SURF6: variants seen among roughly 807,000 people sequenced by gnomAD.
SURF6 encodes the protein surfeit 6.
A neutral mutation model predicts 37.5 loss-of-function variants in SURF6; 28 were observed. That is an observed-to-expected ratio of 0.75 (90% CI 0.55 to 1.02). The LOEUF is 1.02. SURF6 is among the 50% of genes least tolerant of loss of function. The pLI is 0.00. For missense variants in SURF6, 560 were observed against 490.5 expected, an observed-to-expected ratio of 1.14 and a Z score of -1.34; for synonymous variants, 248 against 210.9, an observed-to-expected ratio of 1.18 and a Z score of -1.52.
rs989242041 is a variant in SURF6 at position 133,334,435 on chromosome 9, T to C, written c.261A>G (p.Lys87=). 1.2e-5 allele frequency: 19 copies of C among 1,613,966 alleles called. No homozygotes were observed. The highest frequency in any genetic ancestry group is 1.6e-5 in the Non-Finnish European group (19 of 1,180,026). The change falls in exon 2 of 5, where the codon AAA becomes AAG. Residue 87 remains lysine, a synonymous_variant. Coordinates refer to ENST00000372022, the MANE Select transcript of SURF6 (RefSeq NM_006753.6). ...AGCTGGAAGCCCAAGCTGCTTCCTC[T>C]TTGGCTGCCTCAGGCCTCCTGGCCC... The part of the protein sequence containing the change: ...ASGARRPEAA[K]EEAAWASSSA...
rs1141749 is a variant in SURF6, at chr9:133,328,964, G to A, written c.*2905C>T. 2,066 of 154,556 alleles carry A rather than the reference G, an allele frequency of 0.013. 36 individuals are homozygous for A. Among genetic ancestry groups the A allele is most frequent in the African/African-American group, 0.042 (1,764 of 41,552 alleles). The allele number at this position is 154,556 out of a possible 1,614,324, so 9.6% of individuals were successfully genotyped here. ...CGGGAGACCACTACTACCAATGCTC[G>A]GAGACCGGTAGTGGCCCCGAATGTC... On this transcript the variant is annotated 3_prime_UTR_variant, in exon 5 of 5. Transcript: ENST00000372022.
chr9:133,332,390 T>G, intron 4 of SURF6, 42 bp from the exon 5 acceptor site: 1 of 1,544,338 alleles, frequency 6.5e-7, no homozygotes, highest in Non-Finnish European at 8.7e-7. Context: ...AGCCCTGCAC[T>G]AGGCCCCAGC....
intron 2 of SURF6, 66 bp from the exon 3 acceptor site, chr9:133,333,872 C>T (rs1238125291): frequency 7.3e-6 from 10 of 1,364,208 alleles, no homozygotes; most frequent in Middle Eastern, 1.8e-4. Flanking sequence ...CCTAGGGCCA[C>T]GAATCCCTGT....
Position 133,332,643 on chromosome 9 carries a change from C to A in SURF6, c.511G>T (p.Ala171Ser). 1 of 1,611,680 alleles carries A rather than the reference C, an allele frequency of 6.2e-7. No individual in the cohort carries two copies. The change falls in exon 4 of 5, where the codon GCT (alanine) becomes TCT (serine). Residue 171 changes from alanine to serine, a missense_variant. Transcript: ENST00000372022. ...TCCTGGGCCTCCGTGGCCTCCTCAG[C>A]CTTCCTGGCCTTCTCTTTCGCCCGC... ...ELRAKEKARK[A>S]EEATEAQEVV...
rs928655828 is a variant in SURF6 at position 133,330,374 on chromosome 9, C to T, written c.*1495G>A. On this transcript the variant is annotated 3_prime_UTR_variant, in exon 5 of 5. Coordinates refer to ENST00000372022, the MANE Select transcript of SURF6 (RefSeq NM_006753.6). ...GCCTCAGCCTCCCAAGCAGCTGGGA[C>T]TACAGGTTTGCACCACCACACCCAG... 2.0e-5 allele frequency: 3 copies of T among 152,078 alleles called. No individual in the cohort carries two copies. The highest frequency in any genetic ancestry group is 2.0e-4 in the Admixed American group (3 of 15,268). The allele number at this position is 152,078 out of a possible 1,614,324, so 9.4% of individuals were successfully genotyped here.
intron 1 of SURF6, among the ~76,000 whole-genome samples, chr9:133,335,249 C>G (rs959346510): frequency 6.6e-6 from 1 of 151,314 alleles, no homozygotes; most frequent in African/African-American, 2.4e-5. Flanking sequence ...TGAGGCCGCA[C>G]GGCCGGACAA....
chr9:133,333,879 C>T (rs1042907605), intron 2 of SURF6, 73 bp from the exon 3 acceptor site: 21 of 1,272,572 alleles, frequency 1.7e-5, no homozygotes, highest in Non-Finnish European at 2.4e-5. Flanking sequence ...CCACGAATCC[C>T]TGTCCCACTG....
rs1835732368 is a variant in SURF6 at position 133,331,752 on chromosome 9, C to T, written c.*117G>A. 3.7e-6 allele frequency: 5 copies of T among 1,334,966 alleles called. No individual in the cohort carries two copies. The highest frequency in any genetic ancestry group is 3.9e-6 in the Non-Finnish European group (4 of 1,024,084). The allele number at this position is 1,334,966 out of a possible 1,614,324, so 82.7% of individuals were successfully genotyped here. On this transcript the variant is annotated 3_prime_UTR_variant, in exon 5 of 5. Transcript: ENST00000372022. The stretch of plus-strand genomic sequence containing the variant: ...AACTCAGCAGAGCACCACTGTGTCC[C>T]CCTCACATGGAGAGGCCGAGGTCTG...
chr9:133,334,483 C>T lies in SURF6; in HGVS notation c.213G>A (p.Gly71=), dbSNP rs2129927645. The change falls in exon 2 of 5, where the codon GGG becomes GGA. Residue 71 remains glycine, a synonymous_variant. Coordinates refer to ENST00000372022, the MANE Select transcript of SURF6 (RefSeq NM_006753.6). ...KAAEHKAKSL[G]EKSPAASGAR... is the part of the protein sequence containing the mutation. ...CCCCAGAGGCTGCTGGAGATTTCTC[C>T]CCCAAGGACTTGGCCTTGTGCTCAG... is the stretch of plus-strand genomic sequence containing the variant. 1.9e-6 allele frequency: 3 copies of T among 1,614,010 alleles called. No individual in the cohort carries two copies. The East Asian group carries it at 6.7e-5, about 36-fold the overall frequency.
intron 1 of SURF6, among the ~76,000 whole-genome samples, chr9:133,335,806 A>G (rs1297781359): frequency 1.3e-5 from 2 of 151,834 alleles, no homozygotes; most frequent in African/African-American, 2.4e-5. Flanking sequence ...AACCCGGGAG[A>G]CGGAGCTTGC....
At chr9:133,335,831 G>A (rs1835860441) in intron 1 of SURF6, among the ~76,000 whole-genome samples, 1 of 151,998 alleles carries the variant, frequency 6.6e-6, no homozygotes, top group Non-Finnish European at 1.5e-5. Flanking sequence ...AGCCGAGATC[G>A]CGTCGCTGCA....
Position 133,332,090 on chromosome 9 carries a change from G to T in SURF6, c.865C>A (p.Leu289Met). ...TCCTTGCGCTTCAGGGCCTCCTGCA[G>T]CAGGCGTTCGTCGTCACGGATCTTC... The part of the protein sequence containing the change: ...GVKIRDDERL[L>M]QEALKRKEKR... The change falls in exon 5 of 5, where the codon CTG becomes ATG. Residue 289 changes from leucine (L) to methionine (M), a missense_variant. Coordinates refer to ENST00000372022, the MANE Select transcript of SURF6 (RefSeq NM_006753.6). The T allele has an allele frequency of 6.2e-7, 1 of 1,608,688 alleles. No individual in the cohort carries two copies.
Position 133,332,019 on chromosome 9 carries a change from GGCCGTGCGCTTCTCCCACCGGCGCT to G in SURF6, c.911_935del (p.Gln304ProfsTer70). The G allele has an allele frequency of 6.2e-7, 1 of 1,600,870 alleles. No individual in the cohort carries two copies. The highest frequency in any genetic ancestry group is 8.5e-7 in the Non-Finnish European group (1 of 1,179,206). ...GCTGCTGCATCTTCTCCACCACGCCGGCCGTGCGCTTCTCCCACCGGCGCTGCCGCTGCGCCCTGCGCTTCTCCTT... is the reference window on the plus strand; with the variant it reads ...GCTGCTGCATCTTCTCCACCACGCCGGCCGCTGCGCCCTGCGCTTCTCCTT... On this transcript the variant is annotated frameshift_variant, in exon 5 of 5. Coordinates refer to ENST00000372022, the MANE Select transcript of SURF6 (RefSeq NM_006753.6). LOFTEE classifies it high-confidence loss of function.
intron 3 of SURF6, 117 bp downstream of exon 3, chr9:133,333,601 G>T: frequency 1.1e-6 from 1 of 890,836 alleles, no homozygotes; most frequent in Non-Finnish European, 1.8e-6. Context: ...ACCTGCTGGG[G>T]CCCTGCCAGA....
In SURF6 at chr9:133,336,045, T is replaced by G; in HGVS notation, c.88A>C (p.Thr30Pro). 6.2e-7 allele frequency: 1 copy of G among 1,611,302 alleles called. No homozygotes were observed. The highest frequency in any genetic ancestry group is 8.5e-7 in the Non-Finnish European group (1 of 1,179,770). ...GCCCGGCCCTGTGCGTTACCCCGCG[T>G]GCGCGCCTGCTGTTCCGGGGCCGAA... ...SHSAPEQQAR[T>P]RAGKTQGSET... Residue 30 changes from threonine (T) to proline (P), a missense_variant, in exon 1 of 5, where the codon ACG (threonine) becomes CCG (proline). By Grantham distance (38) the Thr-to-Pro change is conservative. Coordinates refer to ENST00000372022, the MANE Select transcript of SURF6 (RefSeq NM_006753.6).
At position 133,332,132 on chromosome 9, in the gene SURF6, AGAG is replaced by A; in HGVS notation, c.820_822del (p.Leu274del). On this transcript the variant is annotated inframe_deletion, in exon 5 of 5. Coordinates refer to ENST00000372022, the MANE Select transcript of SURF6 (RefSeq NM_006753.6). ...CGGATCTTCACGCCCTCCGCCTTGTAGAGGAGGTTGGTCCACTTCATCTTCGCC... is the reference window on the plus strand; with the variant it reads ...CGGATCTTCACGCCCTCCGCCTTGTAGAGGTTGGTCCACTTCATCTTCGCC... 2 of 1,610,684 alleles carry A rather than the reference AGAG, an allele frequency of 1.2e-6. No individual in the cohort carries two copies. Among genetic ancestry groups the A allele is most frequent in the Non-Finnish European group, 1.7e-6 (2 of 1,179,910 alleles).
In SURF6 at chr9:133,330,708, A is replaced by G. The variant is rs1282278880; in HGVS notation, c.*1161T>C. Reference sequence around the variant, plus strand: ...AGAGCAAGACTCTATCTAAAAAACAAAAAAAAATAGCTCAAATTTTTTTTA... The same window carrying G: ...AGAGCAAGACTCTATCTAAAAAACAGAAAAAAATAGCTCAAATTTTTTTTA... On this transcript the variant is annotated 3_prime_UTR_variant, in exon 5 of 5. Coordinates refer to ENST00000372022, the MANE Select transcript of SURF6 (RefSeq NM_006753.6). The G allele has an allele frequency of 6.6e-6, 1 of 152,042 alleles. No individual in the cohort carries two copies. Among genetic ancestry groups the G allele is most frequent in the Non-Finnish European group, 1.5e-5 (1 of 67,984 alleles). The allele number at this position is 152,042 out of a possible 1,614,324, so 9.4% of individuals were successfully genotyped here.
chr9:133,332,513 G>A (rs2129918693), intron 4 of SURF6, 35 bp downstream of exon 4: 26 of 1,598,082 alleles, frequency 1.6e-5, no homozygotes, highest in Middle Eastern at 1.7e-4. Flanking sequence ...GCCTGAAGCC[G>A]ACCCAGCCCG....
intron 3 of SURF6, chr9:133,333,056 G>A (rs2129922336): frequency 8.0e-5 from 36 of 447,786 alleles, no homozygotes; most frequent in Non-Finnish European, 1.1e-4. Context: ...GATGAGGAGG[G>A]TCAAGACCAC....
Sources: gnomAD v4.1 joint callset for allele counts (sites outside exome capture counted in the v4.1 genomes callset) on GRCh38, gnomAD v4.1.1 for gene constraint, MANE v1.5 for transcripts, NCBI Gene and HGNC (gene_info 2026-07-23, HGNC 2026-07-21) for gene names.